GRIA1: variants seen among roughly 807,000 people sequenced by gnomAD.
GRIA1 encodes glutamate receptor 1.
A neutral mutation model predicts 99.2 loss-of-function variants in GRIA1; 31 were observed. The ratio of observed to expected loss-of-function variants is 0.31; its 90% CI spans 0.23 to 0.42. GRIA1 has a LOEUF of 0.42. Among genes scored for constraint, GRIA1 ranks in the 10% least tolerant of loss-of-function variants. The probability of loss-of-function intolerance (pLI) is 1.00; values close to 1 mark genes in which losing one functional copy is unlikely to be tolerated. For missense variants in GRIA1, 782 were observed against 1,157.5 expected (o/e 0.68, Z 4.71); for synonymous variants, 438 against 432.4 (o/e 1.01, Z -0.16).
intron 12 of GRIA1, among the ~76,000 whole-genome samples, chr5:153,768,246 T>C (rs978372416): frequency 5.3e-5 from 8 of 152,206 alleles, no homozygotes; most frequent in African/African-American, 1.9e-4. Context: ...TTTTCTCCCT[T>C]CTTTCTTCTT....
At chr5:153,785,019 C>T (rs1027480341) in intron 13 of GRIA1, among the ~76,000 whole-genome samples, 4 of 152,126 alleles carry the variant, frequency 2.6e-5, no homozygotes, top group African/African-American at 9.7e-5. Flanking sequence ...AGAAAAAATC[C>T]ACCCAGAGAA....
intron 2 of GRIA1, among the ~76,000 whole-genome samples, chr5:153,559,966 C>T (rs1469104020): frequency 6.6e-6 from 1 of 151,986 alleles, no homozygotes; most frequent in Non-Finnish European, 1.5e-5. Flanking sequence ...TGGCTTTATC[C>T]TACAAAGTTT....
intron 2 of GRIA1, among the ~76,000 whole-genome samples, chr5:153,500,257 G>T (rs1754863474): frequency 6.6e-6 from 1 of 151,932 alleles, no homozygotes; most frequent in Non-Finnish European, 1.5e-5. Context: ...TGGAAAACTG[G>T]TAAGCTTCAT....
intron 11 of GRIA1, among the ~76,000 whole-genome samples, chr5:153,731,743 G>C (rs1313124878): frequency 6.6e-6 from 1 of 152,064 alleles, no homozygotes; most frequent in Non-Finnish European, 1.5e-5. Context: ...ATCCTGTAGT[G>C]GGGAACAGGG....
At chr5:153,742,608 G>A (rs1216540242) in intron 11 of GRIA1, among the ~76,000 whole-genome samples, 1 of 152,150 alleles carries the variant, frequency 6.6e-6, no homozygotes, top group Non-Finnish European at 1.5e-5. Flanking sequence ...GTGTTTGTGA[G>A]ACTAAGATCT....
chr5:153,570,828 T>C (rs1762049234), intron 2 of GRIA1, among the ~76,000 whole-genome samples: 2 of 152,194 alleles, frequency 1.3e-5, no homozygotes, highest in African/African-American at 2.4e-5. Context: ...AATTGAGTAC[T>C]AGTATTACTA....
intron 2 of GRIA1, among the ~76,000 whole-genome samples, chr5:153,638,485 G>T (rs1194648010): frequency 6.6e-6 from 1 of 152,190 alleles, no homozygotes; most frequent in Non-Finnish European, 1.5e-5. Context: ...TTTTCCTCTG[G>T]CTGGTAGCTT....
intron 2 of GRIA1, among the ~76,000 whole-genome samples, chr5:153,511,845 A>G (rs975509658): frequency 8.5e-5 from 13 of 152,110 alleles, no homozygotes; most frequent in Non-Finnish European, 1.8e-4. Flanking sequence ...GAACTGGCAG[A>G]CTCGGGGGAG....
rs151254249 is a variant in GRIA1 at position 153,635,671 on chromosome 5, T to C, written c.221-11257T>C. 1.6e-3 allele frequency among the ~76,000 whole-genome samples: 242 copies of C among 152,248 alleles called. 1 individual carries two copies. The highest frequency in any genetic ancestry group is 5.7e-3 in the African/African-American group (237 of 41,552). On this transcript the variant is annotated intron_variant, in intron 2 of 15. Transcript: ENST00000285900. ...TCAGATCCCTTATTTCAAAGAGAGC[T>C]CCTCACCCCAGCTCCAGACTGAGCC...
At chr5:153,528,122 A>C (rs577970363) in intron 2 of GRIA1, among the ~76,000 whole-genome samples, 4 of 151,868 alleles carry the variant, frequency 2.6e-5, no homozygotes, top group Non-Finnish European at 5.9e-5. Flanking sequence ...TGAATATTTT[A>C]TTGTGTAGAG....
At chr5:153,634,318 A>C (rs1753191861) in intron 2 of GRIA1, among the ~76,000 whole-genome samples, 1 of 119,752 alleles carries the variant, frequency 8.4e-6, no homozygotes, top group Admixed American at 8.4e-5. Context: ...ACTCCATCTC[A>C]AAAAAAAAAA....
At chr5:153,791,562 A>C (rs891512368) in intron 13 of GRIA1, among the ~76,000 whole-genome samples, 1 of 152,174 alleles carries the variant, frequency 6.6e-6, no homozygotes, top group African/African-American at 2.4e-5. Context: ...CAATGGTTAT[A>C]TGCATGGGCT....
At chr5:153,676,585 C>T (rs1173275531) in intron 6 of GRIA1, among the ~76,000 whole-genome samples, 7 of 152,236 alleles carry the variant, frequency 4.6e-5, no homozygotes, top group South Asian at 2.1e-4. Flanking sequence ...ACTGTAATGC[C>T]GGGATAAACC....
intron 2 of GRIA1, among the ~76,000 whole-genome samples, chr5:153,621,260 C>T (rs2040655143): frequency 6.6e-6 from 1 of 152,102 alleles, no homozygotes; most frequent in African/African-American, 2.4e-5. Context: ...ATTAGTAGGT[C>T]TCCTTATGAT....
At chr5:153,779,615 C>T (rs1764500762) in intron 13 of GRIA1, among the ~76,000 whole-genome samples, 2 of 152,188 alleles carry the variant, frequency 1.3e-5, no homozygotes, top group Admixed American at 6.5e-5. Flanking sequence ...GGCTAGAGTG[C>T]AATGGCGCAA....
chr5:153,575,612 T>C (rs1459388459), intron 2 of GRIA1, among the ~76,000 whole-genome samples: 1 of 152,122 alleles, frequency 6.6e-6, no homozygotes, highest in African/African-American at 2.4e-5. Flanking sequence ...TTTCCCAGAG[T>C]CACCTGCCTT....
chr5:153,696,448 G>A (rs1045115172), intron 8 of GRIA1, among the ~76,000 whole-genome samples: 2 of 152,122 alleles, frequency 1.3e-5, no homozygotes, highest in African/African-American at 2.4e-5. Flanking sequence ...ACTTCACCTC[G>A]GGCAAGTTAA....
intron 13 of GRIA1, among the ~76,000 whole-genome samples, chr5:153,779,143 A>C (rs1203659314): frequency 6.6e-6 from 1 of 152,208 alleles, no homozygotes; most frequent in African/African-American, 2.4e-5. Context: ...TGGGCAATGC[A>C]TTCAGTGCCC....
In GRIA1 at chr5:153,589,691, G is replaced by A. The variant is rs1025711927; in HGVS notation, c.221-57237G>A. On this transcript the variant is annotated intron_variant, in intron 2 of 15. Transcript: ENST00000285900. ...ATTGCCAGAGGTTCAGAGTCCTTGC[G>A]TGCATCTGCATTTACTCTCAGGTTG... Among the ~76,000 whole-genome samples, 8 of 152,090 alleles carry A rather than the reference G, an allele frequency of 5.3e-5. No homozygotes were observed. In the East Asian group the frequency reaches 7.7e-4, roughly 15 times the overall value.
Sources: allele counts gnomAD v4.1 joint callset (sites outside exome capture counted in the v4.1 genomes callset), GRCh38; gene constraint gnomAD v4.1.1; transcripts MANE v1.5; gene names NCBI Gene and HGNC (gene_info 2026-07-23, HGNC 2026-07-21).